Variants in BAK1 observed in about 807,000 individuals in gnomAD.
The protein encoded by BAK1 is BCL2 antagonist/killer 1.
BAK1 carries 19 observed loss-of-function variants against 24.7 expected under a neutral mutation model. The ratio of observed to expected loss-of-function variants is 0.77; its 90% CI spans 0.54 to 1.13. The LOEUF (loss-of-function observed/expected upper bound fraction) is 1.13, where lower values mean the gene tolerates loss of function less well. Among genes scored for constraint, BAK1 ranks in the 50% most tolerant of loss-of-function variants. BAK1 has a pLI of 0.00. For missense variants in BAK1, 194 were observed against 279.4 expected, an observed-to-expected ratio of 0.69 and a Z score of 2.18; for synonymous variants, 86 against 107.3, an observed-to-expected ratio of 0.80 and a Z score of 1.23.
At chr6:33,576,850 G>C (rs566859402) in intron 2 of BAK1, among the ~76,000 whole-genome samples, 2 of 152,300 alleles carry the variant, frequency 1.3e-5, no homozygotes, top group South Asian at 2.1e-4. Context: ...ACGTGTGCAA[G>C]GTCATACAGC....
rs1163317493 is a variant in BAK1, at chr6:33,578,550, C to T, written c.-31-915G>A. Among the ~76,000 whole-genome samples the T allele has an allele frequency of 3.9e-5, 6 of 152,172 alleles. No individual in the cohort carries two copies. The highest frequency in any genetic ancestry group is 8.8e-5 in the Non-Finnish European group (6 of 68,022). On this transcript the variant is annotated intron_variant, in intron 1 of 5. Coordinates refer to ENST00000374467, the MANE Select transcript of BAK1 (RefSeq NM_001188.4). This position sits in a 1 kb window ranked among gnomAD's most constrained non-coding sequence, Gnocchi z 4.8. ...ATTTACCTCCTGTCTGTGCCTTCCC[C>T]ACTGCTGCCTTGCAGTGACCGGAGG...
At chr6:33,576,841 C>T (rs1360965153) in intron 2 of BAK1, among the ~76,000 whole-genome samples, 1 of 152,134 alleles carries the variant, frequency 6.6e-6, no homozygotes, top group Non-Finnish European at 1.5e-5. Context: ...GTCTGAGTAA[C>T]GTGTGCAAGG....
rs900239932 is a variant in BAK1, at chr6:33,580,206, G to A, written c.-213C>T. 2.0e-5 allele frequency: 3 copies of A among 152,218 alleles called. No homozygotes were observed. Among genetic ancestry groups the A allele is most frequent in the African/African-American group, 7.3e-5 (3 of 41,378 alleles). The allele number at this position is 152,218 out of a possible 1,614,324, so 9.4% of individuals were successfully genotyped here. A position where few individuals can be genotyped will look rare whatever the true frequency, so the allele number is the denominator to read the frequency against. On this transcript the variant is annotated 5_prime_UTR_variant, in exon 1 of 6. Coordinates refer to ENST00000374467, the MANE Select transcript of BAK1 (RefSeq NM_001188.4). ...CCTGTGCAGCCCGAGGGACCCGCGAGACTCCAGTGATCATAGAGGTGCCAG... is the reference window on the plus strand; with the variant it reads ...CCTGTGCAGCCCGAGGGACCCGCGAAACTCCAGTGATCATAGAGGTGCCAG...
At chr6:33,576,868 A>T (rs948072436) in intron 2 of BAK1, among the ~76,000 whole-genome samples, 25 of 152,176 alleles carry the variant, frequency 1.6e-4, no homozygotes, top group Admixed American at 2.6e-4. Context: ...AGCCAGAACA[A>T]GCCGGGGAAC....
intron 2 of BAK1, among the ~76,000 whole-genome samples, chr6:33,576,874 G>A (rs1219327450): frequency 2.0e-5 from 3 of 152,160 alleles, no homozygotes; most frequent in Non-Finnish European, 4.4e-5. Context: ...AACAAGCCGG[G>A]GAACCGGGAC....
Position 33,577,453 on chromosome 6 carries a change from A to G in BAK1, c.70+82T>C, listed in dbSNP as rs1474294313. ...CACAGTGGGTGAACCGAGGCGAAGG[A>G]GCCTGCCTGAGTCCTGCTCCTTCCA... On this transcript the variant is annotated intron_variant, in intron 2 of 5. Coordinates refer to ENST00000374467, the MANE Select transcript of BAK1 (RefSeq NM_001188.4). The surrounding 1 kb of genome is among the most constrained non-coding windows in gnomAD (Gnocchi z 4.6). 1.8e-5 allele frequency: 24 copies of G among 1,310,600 alleles called. No homozygotes were observed. Among genetic ancestry groups the G allele is most frequent in the Non-Finnish European group, 2.4e-5 (23 of 976,118 alleles). 81.2% of individuals were successfully genotyped at this position (1,310,600 alleles called of 1,614,324 possible).
intron 4 of BAK1, chr6:33,574,619 C>T (rs116819340): frequency 4.1e-4 from 447 of 1,084,126 alleles, no homozygotes; most frequent in Middle Eastern, 3.2e-3. Context: ...TCTAAGTTCA[C>T]GGACTGGATA....
Position 33,575,289 on chromosome 6 carries a change from C to T in BAK1, c.350+9G>A, listed in dbSNP as rs1458296749. On this transcript the variant is annotated intron_variant, in intron 4 of 5. Coordinates refer to ENST00000374467, the MANE Select transcript of BAK1 (RefSeq NM_001188.4). This position sits in a 1 kb window ranked among gnomAD's most constrained non-coding sequence, Gnocchi z 6.3. ...GTGACTGGAGCTGGCAGGGAGGTGG[C>T]TGGGGTACCTGGTGGCAATCTTGGT... is the stretch of plus-strand genomic sequence containing the variant. The T allele has an allele frequency of 6.2e-7, 1 of 1,614,144 alleles. No individual in the cohort carries two copies. Among genetic ancestry groups the T allele is most frequent in the East Asian group, 2.2e-5 (1 of 44,882 alleles).
At position 33,577,232 on chromosome 6, in the gene BAK1, G is replaced by A. The variant is rs1365546763; in HGVS notation, c.70+303C>T. Among the ~76,000 whole-genome samples the A allele has an allele frequency of 1.3e-5, 2 of 152,036 alleles. No individual in the cohort carries two copies. The highest frequency in any genetic ancestry group is 2.9e-5 in the Non-Finnish European group (2 of 68,012). The stretch of plus-strand genomic sequence containing the variant: ...CCCGCTGGAGGGATACAGCAGCCAG[G>A]CCCCACTCTAATTCCTGCCTCCCTC... On this transcript the variant is annotated intron_variant, in intron 2 of 5. Coordinates refer to ENST00000374467, the MANE Select transcript of BAK1 (RefSeq NM_001188.4). The surrounding 1 kb of genome is among the most constrained non-coding windows in gnomAD (Gnocchi z 4.6).
rs770964772 is a variant in BAK1 at position 33,575,725 on chromosome 6, G to A, written c.206+68C>T. On this transcript the variant is annotated intron_variant, in intron 3 of 5. Transcript: ENST00000374467. This position sits in a 1 kb window ranked among gnomAD's most constrained non-coding sequence, Gnocchi z 6.3. ...GAGGCCTCCCCAGCTCCCAGGACCT[G>A]CACAGAGACCCATGCGAGCTACTGC... 38 of 1,586,224 alleles carry A rather than the reference G, an allele frequency of 2.4e-5. No homozygotes were observed. Among genetic ancestry groups the A allele is most frequent in the Non-Finnish European group, 3.3e-5 (38 of 1,165,118 alleles).
chr6:33,575,323 C>T lies in BAK1; in HGVS notation c.325G>A (p.Glu109Lys). The T allele has an allele frequency of 6.2e-7, 1 of 1,614,168 alleles. No homozygotes were observed. Among genetic ancestry groups the T allele is most frequent in the East Asian group, 2.2e-5 (1 of 44,888 alleles). Residue 109 changes from glutamate to lysine, a missense_variant, in exon 4 of 6, where the codon GAG (glutamate) becomes AAG (lysine). Coordinates refer to ENST00000374467, the MANE Select transcript of BAK1 (RefSeq NM_001188.4). This position sits in a 1 kb window ranked among gnomAD's most constrained non-coding sequence, Gnocchi z 6.3. ...HLQPTAENAY[E>K]YFTKIATSLF... ...CTGGTGGCAATCTTGGTGAAGTACTCATAGGCATTCTCTGCCGTGGGCTGC... is the reference window on the plus strand; with the variant it reads ...CTGGTGGCAATCTTGGTGAAGTACTTATAGGCATTCTCTGCCGTGGGCTGC...
rs1322132295 is a variant in BAK1 at position 33,577,814 on chromosome 6, G to C, written c.-31-179C>G. Among the ~76,000 whole-genome samples, 1 of 152,156 alleles carries C rather than the reference G, an allele frequency of 6.6e-6. No homozygotes were observed. Reference sequence around the variant, plus strand: ...ACTCCTGACCTCGTGAGTCTGCCTCGGCCATCCACAGTGCTGGGATTACAG... The same window carrying C: ...ACTCCTGACCTCGTGAGTCTGCCTCCGCCATCCACAGTGCTGGGATTACAG... On this transcript the variant is annotated intron_variant, in intron 1 of 5. Coordinates refer to ENST00000374467, the MANE Select transcript of BAK1 (RefSeq NM_001188.4). The surrounding 1 kb of genome is among the most constrained non-coding windows in gnomAD (Gnocchi z 4.6).
At position 33,574,194 on chromosome 6, in the gene BAK1, T is replaced by C. The variant is rs554280388; in HGVS notation, c.371A>G (p.Asn124Ser). ...CAGAAGAGCCACCACACGGCCCCAA[T>C]TGATGCCACTCTCAAACAGGCTGTG... is the stretch of plus-strand genomic sequence containing the variant. ...IATSLFESGI[N>S]WGRVVALLGF... The change falls in exon 5 of 6, where the codon AAT (asparagine) becomes AGT (serine). Residue 124 changes from asparagine (N) to serine (S), a missense_variant. Asn to Ser is a conservative substitution (Grantham distance 46). Coordinates refer to ENST00000374467, the MANE Select transcript of BAK1 (RefSeq NM_001188.4). The C allele has an allele frequency of 9.9e-6, 16 of 1,613,972 alleles. No homozygotes were observed. Among genetic ancestry groups the C allele is most frequent in the African/African-American group, 4.0e-5 (3 of 75,026 alleles).
chr6:33,579,819 G>A (rs571328387), intron 1 of BAK1, among the ~76,000 whole-genome samples: 8 of 152,236 alleles, frequency 5.3e-5, no homozygotes, highest in African/African-American at 1.7e-4. Context: ...CAGTTCTCCG[G>A]CATCCAGGGC....
At chr6:33,579,721 C>A (rs1263268999) in intron 1 of BAK1, among the ~76,000 whole-genome samples, 10 of 152,238 alleles carry the variant, frequency 6.6e-5, no homozygotes, top group African/African-American at 2.4e-4. Context: ...TGGGCAGCAG[C>A]AAGCGCTGAG....
Position 33,577,175 on chromosome 6 carries a change from T to C in BAK1, c.70+360A>G, listed in dbSNP as rs576027625. The stretch of plus-strand genomic sequence containing the variant: ...GCGTTCCCTGTTGAGCAGACCTGAC[T>C]GGGTGATTGGCCAGCTTACTTCCTT... On this transcript the variant is annotated intron_variant, in intron 2 of 5. Coordinates refer to ENST00000374467, the MANE Select transcript of BAK1 (RefSeq NM_001188.4). The surrounding 1 kb of genome is among the most constrained non-coding windows in gnomAD (Gnocchi z 4.6). Among the ~76,000 whole-genome samples the C allele has an allele frequency of 3.3e-5, 5 of 152,156 alleles. No homozygotes were observed. The highest frequency in any genetic ancestry group is 5.9e-5 in the Non-Finnish European group (4 of 68,016).
Position 33,577,709 on chromosome 6 carries a change from C to A in BAK1, c.-31-74G>T. Reference sequence around the variant, plus strand: ...GTGACTGGGGACCCCATACAGGTTGCCATGTCCACATAGGAGAGAGGATCC... The same window carrying A: ...GTGACTGGGGACCCCATACAGGTTGACATGTCCACATAGGAGAGAGGATCC... On this transcript the variant is annotated intron_variant, in intron 1 of 5. Coordinates refer to ENST00000374467, the MANE Select transcript of BAK1 (RefSeq NM_001188.4). The surrounding 1 kb of genome is among the most constrained non-coding windows in gnomAD (Gnocchi z 4.6). 9.5e-7 allele frequency: 1 copy of A among 1,056,696 alleles called. No individual in the cohort carries two copies. The highest frequency in any genetic ancestry group is 2.8e-5 in the East Asian group (1 of 35,968). 65.5% of individuals were successfully genotyped at this position (1,056,696 alleles called of 1,614,324 possible).
In BAK1 at chr6:33,577,914, G is replaced by A. The variant is rs1003054389; in HGVS notation, c.-31-279C>T. 6.6e-6 allele frequency among the ~76,000 whole-genome samples: 1 copy of A among 152,184 alleles called. No homozygotes were observed. Among genetic ancestry groups the A allele is most frequent in the Non-Finnish European group, 1.5e-5 (1 of 68,034 alleles). On this transcript the variant is annotated intron_variant, in intron 1 of 5. Coordinates refer to ENST00000374467, the MANE Select transcript of BAK1 (RefSeq NM_001188.4). The surrounding 1 kb of genome is among the most constrained non-coding windows in gnomAD (Gnocchi z 4.6). ...AGCATGGGTCCCAGTGAAGTCTGCT[G>A]GGAGGAAACAACTTACTGAACACTC...
chr6:33,577,727 G>A lies in BAK1; in HGVS notation c.-31-92C>T. The A allele has an allele frequency of 1.2e-6, 1 of 863,146 alleles. No homozygotes were observed. The highest frequency in any genetic ancestry group is 1.7e-6 in the Non-Finnish European group (1 of 577,388). 53.5% of individuals were successfully genotyped at this position (863,146 alleles called of 1,614,324 possible). On this transcript the variant is annotated intron_variant, in intron 1 of 5. Transcript: ENST00000374467. This position sits in a 1 kb window ranked among gnomAD's most constrained non-coding sequence, Gnocchi z 4.6. ...CAGGTTGCCATGTCCACATAGGAGA[G>A]AGGATCCCCCATTCCCAGAAAGGCC...
Sources: gnomAD v4.1 joint callset for allele counts (sites outside exome capture counted in the v4.1 genomes callset) on GRCh38, gnomAD v4.1.1 for gene constraint, Gnocchi (gnomAD v3.1) non-coding constraint, MANE v1.5 for transcripts, NCBI Gene and HGNC (gene_info 2026-07-23, HGNC 2026-07-21) for gene names.